Variants in SH2D3C observed in about 807,000 individuals in gnomAD.
SH2D3C encodes the protein SH2 domain-containing protein 3C.
Under a neutral mutation model 75.2 loss-of-function variants are expected in SH2D3C, and 25 were observed. The observed-to-expected ratio is 0.33, with a 90% CI of 0.24 to 0.46. The LOEUF (loss-of-function observed/expected upper bound fraction) is 0.46. SH2D3C is among the 20% of genes least tolerant of loss of function. The pLI, the probability that SH2D3C is intolerant of heterozygous loss-of-function variation, is 1.00. For missense variants in SH2D3C, 933 were observed against 1,165.3 expected (o/e 0.80, Z 2.90); for synonymous variants, 450 against 473.7 (o/e 0.95, Z 0.65).
intron 4 of SH2D3C, among the ~76,000 whole-genome samples, chr9:127,750,156 T>C (rs1162067864): frequency 6.7e-6 from 1 of 149,594 alleles, no homozygotes; most frequent in Non-Finnish European, 1.5e-5. Context: ...ATTATTATTA[T>C]TGTTATTATT....
chr9:127,770,799 G>C (rs1845718221), intron 2 of SH2D3C, among the ~76,000 whole-genome samples: 2 of 152,158 alleles, frequency 1.3e-5, no homozygotes, highest in African/African-American at 4.8e-5. Flanking sequence ...CCATTCTCAA[G>C]GTTTCTCAAG....
At chr9:127,750,052 G>A (rs1208802948) in intron 4 of SH2D3C, among the ~76,000 whole-genome samples, 3 of 152,110 alleles carry the variant, frequency 2.0e-5, no homozygotes, top group Non-Finnish European at 4.4e-5. Flanking sequence ...CAACCACCCA[G>A]TGCTCTGGCA....
rs774886876 is a variant in SH2D3C, at chr9:127,745,113, G to C, written c.1265-14C>G. 6.7e-7 allele frequency: 1 copy of C among 1,485,028 alleles called. No individual in the cohort carries two copies. Among genetic ancestry groups the C allele is most frequent in the South Asian group, 1.4e-5 (1 of 69,164 alleles). 92.0% of individuals were successfully genotyped at this position (1,485,028 alleles called of 1,614,324 possible). The stretch of plus-strand genomic sequence containing the variant: ...GGACACGGGTTACTGCAGAAAGGTA[G>C]AGAGAGAGGCCCCGTTATAGCAGCT... On this transcript the variant is annotated splice_polypyrimidine_tract_variant and intron_variant, in intron 6 of 11. Coordinates refer to ENST00000314830, the MANE Select transcript of SH2D3C (RefSeq NM_170600.3).
chr9:127,777,587 C>T (rs1307452958), intron 1 of SH2D3C, among the ~76,000 whole-genome samples: 1 of 151,958 alleles, frequency 6.6e-6, no homozygotes, highest in African/African-American at 2.4e-5. Context: ...TAACTCCCCA[C>T]CTGAGATCCC....
intron 3 of SH2D3C, among the ~76,000 whole-genome samples, chr9:127,758,879 GA>G (rs2131784279): frequency 6.6e-6 from 1 of 152,332 alleles, no homozygotes; most frequent in East Asian, 1.9e-4. Context: ...TGGTGATGGT[GA>G]GGGGGCAGCA....
chr9:127,777,042 C>A (rs1829021965), intron 1 of SH2D3C, among the ~76,000 whole-genome samples: 1 of 152,190 alleles, frequency 6.6e-6, no homozygotes, highest in Non-Finnish European at 1.5e-5. Context: ...GGCCCAGAGT[C>A]CAGGGTCTGG....
At position 127,749,803 on chromosome 9, in the gene SH2D3C, C is replaced by T; in HGVS notation, c.685-138G>A. ...GCATAGAGGACCCAATGAACAGAGA[C>T]ATCTGACATCTGAGAGCGGGGATGC... On this transcript the variant is annotated intron_variant, in intron 4 of 11. Transcript: ENST00000314830. The surrounding 1 kb of genome is among the most constrained non-coding windows in gnomAD (Gnocchi z 5.9). 1.6e-6 allele frequency: 1 copy of T among 631,364 alleles called. No homozygotes were observed. Among genetic ancestry groups the T allele is most frequent in the South Asian group, 1.8e-5 (1 of 54,468 alleles). The allele number at this position is 631,364 out of a possible 1,614,324, so 39.1% of individuals were successfully genotyped here.
chr9:127,762,337 A>C (rs1259190928), intron 2 of SH2D3C: 1 of 1,299,972 alleles, frequency 7.7e-7, no homozygotes, highest in East Asian at 5.6e-5. Flanking sequence ...TGCTACCCCT[A>C]CCCTCAGGCA....
rs1015675101 is a variant in SH2D3C at position 127,739,114 on chromosome 9, G to A, written c.2408-193C>T. ...GCAGCATATAATTTAAAAATGACTA[G>A]ACCATAAAATATTAATGTTAAATAT... On this transcript the variant is annotated intron_variant, in intron 11 of 11. Transcript: ENST00000314830. The surrounding 1 kb of genome is among the most constrained non-coding windows in gnomAD (Gnocchi z 4.3). Among the ~76,000 whole-genome samples, 5 of 152,190 alleles carry A rather than the reference G, an allele frequency of 3.3e-5. No homozygotes were observed. Among genetic ancestry groups the A allele is most frequent in the African/African-American group, 1.2e-4 (5 of 41,438 alleles).
chr9:127,767,040 G>A (rs1214695584), intron 2 of SH2D3C: 19 of 1,536,178 alleles, frequency 1.2e-5, no homozygotes, highest in Admixed American at 2.0e-5. Flanking sequence ...TGCCGGGAAG[G>A]CTCTTGGCTT....
intron 2 of SH2D3C, among the ~76,000 whole-genome samples, chr9:127,763,951 G>A (rs1845584573): frequency 6.6e-6 from 1 of 152,150 alleles, no homozygotes; most frequent in South Asian, 2.1e-4. Flanking sequence ...CAGTGGGAGT[G>A]AGGTAGAGTA....
In SH2D3C at chr9:127,761,643, CA is replaced by C; in HGVS notation, c.522del (p.Gly175GlufsTer10). 1.9e-6 allele frequency: 3 copies of C among 1,612,228 alleles called. No individual in the cohort carries two copies. The highest frequency in any genetic ancestry group is 1.7e-6 in the Non-Finnish European group (2 of 1,179,112). ...PPRDVHSERAAGEPEAGSDYV... is the reference protein window; with the variant it reads ...PPRDVHSERAXGEPEAGSDYV... ...TAGTCGCTGCCAGCCTCTGGCTCTC[CA>C]GCAGCCCTGGAAGGAGAAAAGACAA... is the stretch of plus-strand genomic sequence containing the variant. On this transcript the variant is annotated frameshift_variant, in exon 3 of 12. Coordinates refer to ENST00000314830, the MANE Select transcript of SH2D3C (RefSeq NM_170600.3). LOFTEE classifies it high-confidence loss of function.
rs118077021 is a variant in SH2D3C at position 127,753,533 on chromosome 9, C to T, written c.556-2233G>A. On this transcript the variant is annotated intron_variant, in intron 3 of 11. Transcript: ENST00000314830. The stretch of plus-strand genomic sequence containing the variant: ...AGTGGGAATTCTGCACATCCTCCGG[C>T]CGTGGTAGAAACCGATGCCCCCGAA... Among the ~76,000 whole-genome samples, 80 of 152,236 alleles carry T rather than the reference C, an allele frequency of 5.3e-4. No homozygotes were observed. The East Asian group carries it at 0.015, about 28-fold the overall frequency.
chr9:127,767,077 G>C (rs368193759), intron 2 of SH2D3C: 4 of 1,536,214 alleles, frequency 2.6e-6, no homozygotes, highest in East Asian at 2.4e-5. Context: ...CCCAAGATGG[G>C]CCACCATTGT....
At chr9:127,763,004 C>T (rs1845566229) in intron 2 of SH2D3C, among the ~76,000 whole-genome samples, 1 of 152,238 alleles carries the variant, frequency 6.6e-6, no homozygotes, top group African/African-American at 2.4e-5. Context: ...ACCCTGCCGA[C>T]CCTCCAGGCT....
In SH2D3C at chr9:127,757,490, G is replaced by A. The variant is rs955200957; in HGVS notation, c.555+4121C>T. Among the ~76,000 whole-genome samples, 14 of 151,434 alleles carry A rather than the reference G, an allele frequency of 9.2e-5. No individual in the cohort carries two copies. In the South Asian group the frequency reaches 2.7e-3, roughly 29 times the overall value. On this transcript the variant is annotated intron_variant, in intron 3 of 11. Transcript: ENST00000314830. ...CTGTCACCCAGGTTGGAGTGCAGTG[G>A]CTCAATATCGGCTCACTGCAGCCTC...
intron 3 of SH2D3C, chr9:127,755,394 C>T (rs1029389614): frequency 1.3e-5 from 4 of 315,572 alleles, no homozygotes; most frequent in Middle Eastern, 9.5e-4. Flanking sequence ...CGCTCCCAGC[C>T]CCTCGCCCCC....
chr9:127,757,476 G>C (rs1264964486), intron 3 of SH2D3C, among the ~76,000 whole-genome samples: 1 of 151,106 alleles, frequency 6.6e-6, no homozygotes, highest in African/African-American at 2.4e-5. Flanking sequence ...TGTCACCCAG[G>C]TTGGAGTGCA....
chr9:127,744,963 G>C lies in SH2D3C; in HGVS notation c.1401C>G (p.Pro467=), dbSNP rs1202532760. 1 of 1,558,264 alleles carries C rather than the reference G, an allele frequency of 6.4e-7. No homozygotes were observed. The highest frequency in any genetic ancestry group is 8.7e-7 in the Non-Finnish European group (1 of 1,150,652). Residue 467 remains proline, a synonymous_variant, in exon 7 of 12, where the codon CCC becomes CCG. Coordinates refer to ENST00000314830, the MANE Select transcript of SH2D3C (RefSeq NM_170600.3). The part of the protein sequence containing the change: ...PKTHGESDKG[P]HTSPSHTLGK... The stretch of plus-strand genomic sequence containing the variant: ...CAAGGGTGTGGGAGGGGCTGGTGTG[G>C]GGGCCCTTGTCTGACTCCCCATGGG...
Sources: gnomAD v4.1 joint callset for allele counts (sites outside exome capture counted in the v4.1 genomes callset) on GRCh38, gnomAD v4.1.1 for gene constraint, Gnocchi (gnomAD v3.1) non-coding constraint, MANE v1.5 for transcripts, NCBI Gene and HGNC (gene_info 2026-07-23, HGNC 2026-07-21) for gene names.